Variants in SPOCK1 observed in about 807,000 individuals in gnomAD.
The protein encoded by SPOCK1 is testican-1.
SPOCK1 carries 23 observed loss-of-function variants against 55.3 expected under a neutral mutation model. The observed-to-expected ratio is 0.42, with a 90% CI of 0.30 to 0.59. The LOEUF is 0.59. SPOCK1 is among the 20% of genes least tolerant of loss of function. The pLI, the probability that SPOCK1 is intolerant of heterozygous loss-of-function variation, is 0.22. For missense variants in SPOCK1, 499 were observed against 552.5 expected (o/e 0.90, Z 0.97); for synonymous variants, 226 against 221.0 (o/e 1.02, Z -0.20).
In SPOCK1 at chr5:137,140,077, G is replaced by T. The variant is rs192236991; in HGVS notation, c.347+503C>A. Among the ~76,000 whole-genome samples the T allele has an allele frequency of 1.0e-3, 152 of 152,310 alleles. 4 individuals carry two copies. In the Middle Eastern group the frequency reaches 0.024, roughly 24 times the overall value. Reference sequence around the variant, plus strand: ...ATAGCATGTTCCCAGAAGGAATGGTGGTGTGGTGGTCCTGAGAAGGCAGGA... The same window carrying T: ...ATAGCATGTTCCCAGAAGGAATGGTTGTGTGGTGGTCCTGAGAAGGCAGGA... On this transcript the variant is annotated intron_variant, in intron 4 of 10. Transcript: ENST00000394945.
chr5:137,344,116 G>A (rs996211832), intron 2 of SPOCK1, among the ~76,000 whole-genome samples: 7 of 152,122 alleles, frequency 4.6e-5, no homozygotes, highest in Non-Finnish European at 8.8e-5. Context: ...TTTAATTATC[G>A]CAAAGAGATT....
At chr5:137,216,499 TC>T (rs1755718931) in intron 3 of SPOCK1, among the ~76,000 whole-genome samples, 1 of 152,102 alleles carries the variant, frequency 6.6e-6, no homozygotes, top group Non-Finnish European at 1.5e-5. Context: ...TCACTTGAGG[TC>T]AGGAGTTCAA....
In SPOCK1 at chr5:137,110,918, G is replaced by A. The variant is rs577120243; in HGVS notation, c.474+1517C>T. ...ATCCTAAAGCAGATCCCATGGGTCT[G>A]AGTACAAGCCAGACATATGTACCTT... On this transcript the variant is annotated intron_variant, in intron 5 of 10. Transcript: ENST00000394945. 3.3e-5 allele frequency among the ~76,000 whole-genome samples: 5 copies of A among 152,288 alleles called. No individual in the cohort carries two copies. The South Asian group carries it at 1.0e-3, about 32-fold the overall frequency.
chr5:137,185,539 G>T (rs1755052101), intron 3 of SPOCK1, among the ~76,000 whole-genome samples: 1 of 152,204 alleles, frequency 6.6e-6, no homozygotes, highest in Non-Finnish European at 1.5e-5. Flanking sequence ...AGCTACACTT[G>T]TATGACTTTA....
At chr5:137,485,707 A>G (rs1266792885) in intron 2 of SPOCK1, among the ~76,000 whole-genome samples, 1 of 152,254 alleles carries the variant, frequency 6.6e-6, no homozygotes, top group Non-Finnish European at 1.5e-5. Context: ...TTATACTGCA[A>G]TGAAAATTTT....
intron 2 of SPOCK1, among the ~76,000 whole-genome samples, chr5:137,325,470 C>G (rs1758058240): frequency 6.6e-6 from 1 of 152,186 alleles, no homozygotes; most frequent in South Asian, 2.1e-4. Context: ...GTCACTGATG[C>G]CTTTGCTAAG....
chr5:136,983,129 T>C (rs1225107627), intron 9 of SPOCK1, among the ~76,000 whole-genome samples: 1 of 152,240 alleles, frequency 6.6e-6, no homozygotes, highest in Non-Finnish European at 1.5e-5. Flanking sequence ...AAACAGAGGT[T>C]CCTGCCTTCC....
chr5:137,163,209 T>C (rs1020855141), intron 3 of SPOCK1, among the ~76,000 whole-genome samples: 2 of 152,204 alleles, frequency 1.3e-5, no homozygotes, highest in African/African-American at 4.8e-5. Flanking sequence ...GCACCTACTA[T>C]ATACCAAGCA....
intron 2 of SPOCK1, among the ~76,000 whole-genome samples, chr5:137,329,916 C>T (rs1205088705): frequency 6.6e-6 from 1 of 152,074 alleles, no homozygotes; most frequent in Non-Finnish European, 1.5e-5. Flanking sequence ...CTTTGTAGTT[C>T]CTGTCTCTCA....
chr5:137,216,477 A>C (rs1311406023), intron 3 of SPOCK1, among the ~76,000 whole-genome samples: 1 of 152,180 alleles, frequency 6.6e-6, no homozygotes, highest in Non-Finnish European at 1.5e-5. Context: ...TTCGGAGGCC[A>C]AGGCGGGTGG....
intron 2 of SPOCK1, among the ~76,000 whole-genome samples, chr5:137,291,781 G>C (rs725486): frequency 0.86 from 130,492 of 152,168 alleles, 56,273 homozygotes; most frequent in African/African-American, 0.94. Context: ...AACCATTTAC[G>C]TAAGGTCCAG....
At chr5:137,168,530 A>G (rs1754691733) in intron 3 of SPOCK1, among the ~76,000 whole-genome samples, 1 of 152,286 alleles carries the variant, frequency 6.6e-6, no homozygotes, top group Non-Finnish European at 1.5e-5. Context: ...AATCTGATTG[A>G]AAAATAGGCA....
intron 2 of SPOCK1, among the ~76,000 whole-genome samples, chr5:137,389,271 T>C (rs1162574987): frequency 6.6e-6 from 1 of 152,234 alleles, no homozygotes. Flanking sequence ...TGGTCCTGTC[T>C]GTCCCCTCAG....
chr5:137,392,467 G>C (rs1412801130), intron 2 of SPOCK1, among the ~76,000 whole-genome samples: 1 of 152,136 alleles, frequency 6.6e-6, no homozygotes, highest in Admixed American at 6.5e-5. Flanking sequence ...CCAAGTCTTA[G>C]CAAATCTCAC....
At chr5:137,122,202 C>G in intron 4 of SPOCK1, among the ~76,000 whole-genome samples, 1 of 151,090 alleles carries the variant, frequency 6.6e-6, no homozygotes, top group East Asian at 2.0e-4. Context: ...AGTTGTTGAA[C>G]AAGCAAGGCC....
chr5:137,100,702 C>T (rs986493278), intron 5 of SPOCK1, among the ~76,000 whole-genome samples: 2 of 152,100 alleles, frequency 1.3e-5, no homozygotes, highest in Non-Finnish European at 2.9e-5. Context: ...CTTGGGAAAA[C>T]TCGCTTATTT....
rs532549798 is a variant in SPOCK1, at chr5:137,442,132, G to A, written c.186+56241C>T. ...CATTCCTCCTGGGACTTCAGCTAAC[G>A]CTAATCCCAAGACCTCAGCTAGTCC... On this transcript the variant is annotated intron_variant, in intron 2 of 10. Coordinates refer to ENST00000394945, the MANE Select transcript of SPOCK1 (RefSeq NM_004598.4). 9.9e-5 allele frequency among the ~76,000 whole-genome samples: 15 copies of A among 152,282 alleles called. No individual in the cohort carries two copies. In the South Asian group the frequency reaches 2.3e-3, roughly 23 times the overall value.
Position 137,067,736 on chromosome 5 carries a change from T to C in SPOCK1, c.568A>G (p.Lys190Glu). The change falls in exon 6 of 11, where the codon AAG becomes GAG. Residue 190 changes from lysine to glutamate, a missense_variant. By Grantham distance (56) the Lys-to-Glu change is moderately conservative. Transcript: ENST00000394945. ...CPCLPEPEPP[K>E]HKAERSACTD... ...TCACCACTCCTTTCTGCCTTGTGCT[T>C]TGGTGGCTCAGGCTCTGGGAGACAG... 3 of 1,614,150 alleles carry C rather than the reference T, an allele frequency of 1.9e-6. No homozygotes were observed. The highest frequency in any genetic ancestry group is 2.5e-6 in the Non-Finnish European group (3 of 1,180,000).
At chr5:137,427,831 C>A (rs1042231389) in intron 2 of SPOCK1, among the ~76,000 whole-genome samples, 1 of 151,594 alleles carries the variant, frequency 6.6e-6, no homozygotes, top group Non-Finnish European at 1.5e-5. Flanking sequence ...ATGGTGTGAA[C>A]CCAGGAGGCG....
Sources: allele counts gnomAD v4.1 joint callset (sites outside exome capture counted in the v4.1 genomes callset), GRCh38; gene constraint gnomAD v4.1.1; transcripts MANE v1.5; gene names NCBI Gene and HGNC (gene_info 2026-07-23, HGNC 2026-07-21).